R3HCC1L: variants seen among roughly 807,000 people sequenced by gnomAD.
R3HCC1L encodes the protein coiled-coil domain-containing protein R3HCC1L.
In R3HCC1L, 51 loss-of-function variants were observed where a neutral mutation model predicts 59.9. The observed-to-expected ratio is 0.85, with a 90% CI of 0.68 to 1.07. The LOEUF (loss-of-function observed/expected upper bound fraction) is 1.07. R3HCC1L is among the 50% of genes least tolerant of loss of function. The pLI is 0.00. For synonymous variants in R3HCC1L, 322 were observed against 315.2 expected (o/e 1.02, Z -0.23); for missense variants, 965 against 933.0 (o/e 1.03, Z -0.45).
chr10:98,188,571 G>A lies in R3HCC1L; in HGVS notation c.-14-19530G>A, dbSNP rs191139130. 1.9e-3 allele frequency among the ~76,000 whole-genome samples: 286 copies of A among 152,284 alleles called. 2 individuals are homozygous for A. Among genetic ancestry groups the A allele is most frequent in the Non-Finnish European group, 3.4e-4 (23 of 68,010 alleles). ...CTTCCTTATCAGCTTTGTTGAACTGGTGTTCCTTTGGCTTTTCATTTCTGT... is the reference window on the plus strand; with the variant it reads ...CTTCCTTATCAGCTTTGTTGAACTGATGTTCCTTTGGCTTTTCATTTCTGT... On this transcript the variant is annotated intron_variant, in intron 4 of 9. Transcript: ENST00000298999.
chr10:98,170,143 A>G (rs9419844), intron 4 of R3HCC1L, among the ~76,000 whole-genome samples: 48,715 of 152,010 alleles, frequency 0.32, 7,989 homozygotes, highest in East Asian at 0.48. Flanking sequence ...TTTGCTCAGC[A>G]TATATTGTGA....
At chr10:98,179,836 C>G (rs1356009487) in intron 4 of R3HCC1L, among the ~76,000 whole-genome samples, 2 of 152,082 alleles carry the variant, frequency 1.3e-5, no homozygotes, top group Admixed American at 6.6e-5. Flanking sequence ...TCTAGATTTT[C>G]TAGTTTATTT....
intron 4 of R3HCC1L, among the ~76,000 whole-genome samples, chr10:98,191,329 T>G (rs925152045): frequency 3.3e-5 from 5 of 152,216 alleles, no homozygotes; most frequent in African/African-American, 1.2e-4. Flanking sequence ...TTTTCTGACT[T>G]TTTAATGATT....
chr10:98,235,281 C>A, intron 7 of R3HCC1L, 144 bp from the exon 8 acceptor site: 1 of 663,796 alleles, frequency 1.5e-6, no homozygotes, highest in Non-Finnish European at 2.6e-6. Flanking sequence ...AAAATAATTA[C>A]TGCCACGTTG....
At chr10:98,231,807 GTTTA>G (rs1306261580) in intron 6 of R3HCC1L, 120 bp downstream of exon 6, 20 of 1,093,330 alleles carry the variant, frequency 1.8e-5, no homozygotes, top group Non-Finnish European at 2.6e-5. Flanking sequence ...CATCAGGCTG[GTTTA>G]TTGTCTTTTC....
intron 4 of R3HCC1L, chr10:98,174,632 G>A (rs906644910): frequency 1.0e-6 from 1 of 985,260 alleles, no homozygotes; most frequent in Non-Finnish European, 1.2e-6. Context: ...CATTATCAAG[G>A]AGGGCATTTC....
chr10:98,228,197 C>T (rs1218372372), intron 5 of R3HCC1L, among the ~76,000 whole-genome samples: 1 of 152,228 alleles, frequency 6.6e-6, no homozygotes. Context: ...ATAGTCCCAC[C>T]AACAGTGTAA....
chr10:98,203,049 G>A (rs750519438), intron 4 of R3HCC1L, among the ~76,000 whole-genome samples: 4 of 152,084 alleles, frequency 2.6e-5, no homozygotes, highest in African/African-American at 7.2e-5. Context: ...TTACAGGATC[G>A]CTTGACAAAA....
intron 1 of R3HCC1L, among the ~76,000 whole-genome samples, chr10:98,146,786 T>A (rs1845696338): frequency 6.6e-6 from 1 of 152,264 alleles, no homozygotes; most frequent in Non-Finnish European, 1.5e-5. Flanking sequence ...TACCACTTTT[T>A]CTTCTTACAT....
chr10:98,178,332 C>G (rs1347853567), intron 4 of R3HCC1L, among the ~76,000 whole-genome samples: 4 of 152,112 alleles, frequency 2.6e-5, no homozygotes, highest in African/African-American at 7.2e-5. Context: ...ATCCTTTCCC[C>G]ATTTCTTGTT....
chr10:98,215,548 A>C (rs1854094329), intron 5 of R3HCC1L, among the ~76,000 whole-genome samples: 1 of 152,180 alleles, frequency 6.6e-6, no homozygotes, highest in Admixed American at 6.5e-5. Flanking sequence ...TTTTCTATTC[A>C]GTGTCATCCA....
At chr10:98,194,652 A>G (rs1388450572) in intron 4 of R3HCC1L, among the ~76,000 whole-genome samples, 29 of 152,162 alleles carry the variant, frequency 1.9e-4, no homozygotes, top group Non-Finnish European at 8.8e-5. Flanking sequence ...ATAAAAAATG[A>G]GCAGAACCCA....
chr10:98,188,084 T>TAC (rs759016027), intron 4 of R3HCC1L, among the ~76,000 whole-genome samples: 167 of 151,422 alleles, frequency 1.1e-3, no homozygotes, highest in Middle Eastern at 3.4e-3. Flanking sequence ...ACATACCTTT[T>TAC]ACACACACAC....
chr10:98,229,366 T>A (rs1036867819), intron 5 of R3HCC1L, among the ~76,000 whole-genome samples: 1 of 135,826 alleles, frequency 7.4e-6, no homozygotes, highest in African/African-American at 2.6e-5. Context: ...GGGAATTCAC[T>A]CATGATTTGG....
At chr10:98,238,870 A>T (rs1857234594) in intron 9 of R3HCC1L, among the ~76,000 whole-genome samples, 1 of 152,230 alleles carries the variant, frequency 6.6e-6, no homozygotes. Flanking sequence ...GTCTAACTTA[A>T]ATCTGCATGA....
chr10:98,185,182 C>A (rs1346221434), intron 4 of R3HCC1L, among the ~76,000 whole-genome samples: 1 of 152,032 alleles, frequency 6.6e-6, no homozygotes, highest in African/African-American at 2.4e-5. Flanking sequence ...CTGTTCCTTT[C>A]AGTTTTTTCC....
At chr10:98,148,697 C>T (rs1055070726) in intron 1 of R3HCC1L, among the ~76,000 whole-genome samples, 9 of 152,106 alleles carry the variant, frequency 5.9e-5, no homozygotes, top group Non-Finnish European at 1.3e-4. Flanking sequence ...TATTGATTTG[C>T]ATATGTTGAA....
chr10:98,154,282 GT>G (rs1381678782), intron 1 of R3HCC1L, among the ~76,000 whole-genome samples: 7 of 151,928 alleles, frequency 4.6e-5, no homozygotes, highest in Non-Finnish European at 1.0e-4. Flanking sequence ...CCTCCCATTG[GT>G]GTATCCAGCG....
chr10:98,213,041 T>C (rs1338739051), intron 5 of R3HCC1L, among the ~76,000 whole-genome samples: 1 of 152,158 alleles, frequency 6.6e-6, no homozygotes, highest in Non-Finnish European at 1.5e-5. Flanking sequence ...TACATTGTTA[T>C]ACTGTCTCTG....
Sources: gnomAD v4.1 joint callset for allele counts (sites outside exome capture counted in the v4.1 genomes callset) on GRCh38, gnomAD v4.1.1 for gene constraint, MANE v1.5 for transcripts, NCBI Gene and HGNC (gene_info 2026-07-23, HGNC 2026-07-21) for gene names.